MTHFD1L: variants seen among roughly 807,000 people sequenced by gnomAD.
MTHFD1L encodes the protein methylenetetrahydrofolate dehydrogenase (NADP+ dependent) 1 like, also known as monofunctional C1-tetrahydrofolate synthase, mitochondrial.
MTHFD1L carries 81 observed loss-of-function variants against 119.5 expected under a neutral mutation model. That is an observed-to-expected ratio of 0.68 (90% CI 0.57 to 0.82). MTHFD1L has a LOEUF of 0.82. Among genes scored for constraint, MTHFD1L ranks in the 40% least tolerant of loss-of-function variants. MTHFD1L has a pLI of 0.00. For synonymous variants in MTHFD1L, 430 were observed against 475.2 expected, an observed-to-expected ratio of 0.90 and a Z score of 1.24; for missense variants, 1,125 against 1,253.4, an observed-to-expected ratio of 0.90 and a Z score of 1.55.
chr6:150,965,967 C>T (rs373107963), intron 19 of MTHFD1L, among the ~76,000 whole-genome samples: 34 of 152,192 alleles, frequency 2.2e-4, no homozygotes, highest in African/African-American at 7.2e-4. Flanking sequence ...TGTGCCTGCC[C>T]GCCTGTTAAA....
chr6:150,951,548 T>C (rs1310225335), intron 16 of MTHFD1L, among the ~76,000 whole-genome samples: 1 of 152,180 alleles, frequency 6.6e-6, no homozygotes, highest in Non-Finnish European at 1.5e-5. Context: ...ATCATAAGCA[T>C]TTTGTATTTT....
intron 1 of MTHFD1L, chr6:150,866,402 C>T (rs1015290112): frequency 2.6e-5 from 36 of 1,361,324 alleles, no homozygotes; most frequent in African/African-American, 2.3e-4. Context: ...AGGGGCGGTG[C>T]GGCTGGGGCG....
intron 26 of MTHFD1L, among the ~76,000 whole-genome samples, chr6:151,079,744 C>T (rs1792942907): frequency 1.3e-5 from 2 of 151,770 alleles, no homozygotes; most frequent in Non-Finnish European, 2.9e-5. Flanking sequence ...CCACCTCGGC[C>T]TCCCAAAGTG....
chr6:151,049,661 CAAAAAA>C (rs34116073), intron 26 of MTHFD1L, among the ~76,000 whole-genome samples: 1 of 111,574 alleles, frequency 9.0e-6, no homozygotes, highest in Non-Finnish European at 1.8e-5. Flanking sequence ...GACTCCATCT[CAAAAAA>C]AAAAAAAAAA....
chr6:150,917,505 A>C (rs1273909886), intron 8 of MTHFD1L, among the ~76,000 whole-genome samples: 1 of 150,708 alleles, frequency 6.6e-6, no homozygotes, highest in Non-Finnish European at 1.5e-5. Context: ...TAAAAAAAAA[A>C]AATTTTTTTA....
intron 24 of MTHFD1L, among the ~76,000 whole-genome samples, chr6:151,027,102 T>G (rs1300893825): frequency 6.6e-6 from 1 of 152,132 alleles, no homozygotes; most frequent in Non-Finnish European, 1.5e-5. Context: ...GTGCTGGGAT[T>G]ACAGGTGTGA....
At chr6:151,054,125 G>A (rs895581300) in intron 26 of MTHFD1L, among the ~76,000 whole-genome samples, 1 of 152,128 alleles carries the variant, frequency 6.6e-6, no homozygotes, top group African/African-American at 2.4e-5. Context: ...GGTTCCAAGG[G>A]GAGATTCATT....
Position 150,948,493 on chromosome 6 carries a change from T to A in MTHFD1L, c.1624-538T>A, listed in dbSNP as rs1794361222. ...CTCCACCATACCTGGCTAATTTTTTTATGTATTTTTAGTAGAGACGGGGAT... is the reference window on the plus strand; with the variant it reads ...CTCCACCATACCTGGCTAATTTTTTAATGTATTTTTAGTAGAGACGGGGAT... On this transcript the variant is annotated intron_variant, in intron 15 of 27. Transcript: ENST00000367321. Among the ~76,000 whole-genome samples the A allele has an allele frequency of 2.7e-5, 4 of 150,866 alleles. No individual in the cohort carries two copies. The South Asian group carries it at 6.3e-4, about 24-fold the overall frequency.
chr6:151,058,986 C>CT (rs1449601710), intron 26 of MTHFD1L, among the ~76,000 whole-genome samples: 1 of 149,706 alleles, frequency 6.7e-6, no homozygotes, highest in African/African-American at 2.5e-5. Context: ...CACAGAGCTT[C>CT]TAAAGGAAAT....
intron 8 of MTHFD1L, among the ~76,000 whole-genome samples, chr6:150,907,099 C>A (rs1448567483): frequency 1.3e-5 from 2 of 149,734 alleles, no homozygotes; most frequent in Non-Finnish European, 3.0e-5. Context: ...AAATCAGTTC[C>A]AACATTTGTT....
intron 26 of MTHFD1L, among the ~76,000 whole-genome samples, chr6:151,037,759 T>G (rs1023283415): frequency 9.2e-5 from 14 of 152,232 alleles, no homozygotes; most frequent in Non-Finnish European, 1.6e-4. Flanking sequence ...GGGCTTCATT[T>G]GGTACAGCTA....
intron 26 of MTHFD1L, among the ~76,000 whole-genome samples, chr6:151,063,332 G>GTC (rs995479986): frequency 1.9e-4 from 29 of 152,088 alleles, no homozygotes; most frequent in African/African-American, 6.8e-4. Flanking sequence ...CATTTGTGTA[G>GTC]TCTCTCTCTC....
At chr6:151,015,376 T>C (rs1387029345) in intron 23 of MTHFD1L, 140 bp from the exon 24 acceptor site, 23 of 959,926 alleles carry the variant, frequency 2.4e-5, no homozygotes, top group Non-Finnish European at 3.2e-5. Flanking sequence ...GTCTGATTTA[T>C]TTAAACACGA....
intron 13 of MTHFD1L, among the ~76,000 whole-genome samples, chr6:150,941,773 T>C (rs1793164790): frequency 1.3e-5 from 2 of 151,312 alleles, no homozygotes; most frequent in African/African-American, 4.9e-5. Flanking sequence ...TGGTGGAGGG[T>C]GGTAGTCAGA....
intron 20 of MTHFD1L, among the ~76,000 whole-genome samples, chr6:150,988,605 T>TG (rs201459329): frequency 4.4e-5 from 5 of 113,636 alleles, no homozygotes; most frequent in South Asian, 2.7e-4. Context: ...TTTCTTTTTT[T>TG]GTGGGGGGGG....
intron 20 of MTHFD1L, among the ~76,000 whole-genome samples, chr6:151,006,341 T>C (rs1369807847): frequency 1.3e-5 from 2 of 151,690 alleles, no homozygotes; most frequent in African/African-American, 4.9e-5. Flanking sequence ...GGAAAAGAGG[T>C]CTGGAGGTGA....
At chr6:150,984,624 G>A (rs1012380842) in intron 20 of MTHFD1L, among the ~76,000 whole-genome samples, 2 of 150,358 alleles carry the variant, frequency 1.3e-5, no homozygotes, top group East Asian at 3.9e-4. Context: ...AGTACCTACC[G>A]TCCCAAATTT....
chr6:150,973,590 T>C (rs1776094361), intron 20 of MTHFD1L, among the ~76,000 whole-genome samples: 1 of 152,226 alleles, frequency 6.6e-6, no homozygotes, highest in Non-Finnish European at 1.5e-5. Flanking sequence ...TATTTTATGC[T>C]GACAGAGATC....
intron 27 of MTHFD1L, among the ~76,000 whole-genome samples, chr6:151,095,986 G>A (rs1242037096): frequency 2.0e-5 from 3 of 152,190 alleles, no homozygotes; most frequent in African/African-American, 7.2e-5. Context: ...AAGTTGTGCA[G>A]CTAATAACTA....
Sources: gnomAD v4.1 joint callset for allele counts (sites outside exome capture counted in the v4.1 genomes callset) on GRCh38, gnomAD v4.1.1 for gene constraint, MANE v1.5 for transcripts, NCBI Gene and HGNC (gene_info 2026-07-23, HGNC 2026-07-21) for gene names.